RANBP2: variants seen among roughly 807,000 people sequenced by gnomAD.
The protein encoded by RANBP2 is E3 SUMO-protein ligase RanBP2.
RANBP2 carries 57 observed loss-of-function variants against 303.6 expected under a neutral mutation model. The observed-to-expected ratio is 0.19, with a 90% CI of 0.15 to 0.23. The LOEUF is 0.23. RANBP2 is among the 10% of genes least tolerant of loss of function. RANBP2 has a pLI of 1.00. For synonymous variants in RANBP2, 1,167 were observed against 1,301.5 expected (o/e 0.90, Z 2.23); for missense variants, 3,138 against 3,780.8 (o/e 0.83, Z 4.46).
At chr2:109,453,215 C>G in the RANBP2 span, among the ~76,000 whole-genome samples, 1 of 152,182 alleles carries the variant, frequency 6.6e-6, no homozygotes, top group African/African-American at 2.4e-5. Context: ...AGGAACCTCT[C>G]CAGCCTACTC....
the RANBP2 span, among the ~76,000 whole-genome samples, chr2:109,576,269 A>AATAT: frequency 2.5e-4 from 38 of 150,844 alleles, no homozygotes; most frequent in Non-Finnish European, 4.3e-4. Context: ...AAATGAATTA[A>AATAT]ATATATATAT....
the RANBP2 span, among the ~76,000 whole-genome samples, chr2:108,975,771 G>A: frequency 2.6e-5 from 4 of 152,246 alleles, no homozygotes; most frequent in South Asian, 6.2e-4. Context: ...TGGCACTGTC[G>A]GCCAGGCTCC....
Position 108,754,911 on chromosome 2 carries a change from G to T in RANBP2, c.2209G>T (p.Val737Leu). The T allele has an allele frequency of 1.2e-6, 2 of 1,611,694 alleles. No homozygotes were observed. The highest frequency in any genetic ancestry group is 1.7e-6 in the Non-Finnish European group (2 of 1,179,782). Residue 737 changes from valine to leucine, a missense_variant, in exon 16 of 29, where the codon GTG (valine) becomes TTG (leucine). Around this residue, in one of 20 missense-constraint regions of RANBP2, gnomAD observed 194 missense variants for 197.4 expected, o/e 0.98. Transcript: ENST00000283195. Reference protein sequence around the residue: ...SNLSVVKKLPVPLESVKEMLN... With the variant: ...SNLSVVKKLPLPLESVKEMLN... ...TAATGTCTTTTATTTTTAGTTGCCT[G>T]TGCCCCTGGAGTCTGTAAAAGAGAT...
chr2:109,063,972 A>G, the RANBP2 span, among the ~76,000 whole-genome samples: 1 of 152,180 alleles, frequency 6.6e-6, no homozygotes, highest in African/African-American at 2.4e-5. Flanking sequence ...TGGCTGCCAC[A>G]GGTCCAGCCA....
At chr2:108,770,636 A>C (rs1051322542) in intron 20 of RANBP2, among the ~76,000 whole-genome samples, 5 of 152,226 alleles carry the variant, frequency 3.3e-5, no homozygotes, top group East Asian at 1.9e-4. Flanking sequence ...AAATAAATAA[A>C]TAAATAAATT....
the RANBP2 span, among the ~76,000 whole-genome samples, chr2:109,194,939 AAGT>A: frequency 1.3e-3 from 199 of 152,328 alleles, 2 homozygotes; most frequent in African/African-American, 4.7e-3. Flanking sequence ...GGAAGGGAGA[AAGT>A]AGAGGAGCTG....
chr2:108,942,104 G>A, the RANBP2 span, among the ~76,000 whole-genome samples: 1 of 152,230 alleles, frequency 6.6e-6, no homozygotes, highest in Non-Finnish European at 1.5e-5. Flanking sequence ...TGTGCTGGGG[G>A]CAGAGGCCCC....
chr2:109,166,357 G>A, the RANBP2 span, among the ~76,000 whole-genome samples: 8 of 151,214 alleles, frequency 5.3e-5, no homozygotes, highest in Non-Finnish European at 1.0e-4. Context: ...TGTGCCTGTA[G>A]TCCCAGCTAC....
the RANBP2 span, chr2:109,504,690 A>G: frequency 0.072 from 11,010 of 152,382 alleles, 584 homozygotes; most frequent in African/African-American, 0.15. Flanking sequence ...AGAGGGACCC[A>G]GGTAGGAGCA....
chr2:109,030,922 G>C, the RANBP2 span, among the ~76,000 whole-genome samples: 43 of 152,100 alleles, frequency 2.8e-4, no homozygotes, highest in African/African-American at 1.0e-3. Context: ...TTATTTTCTT[G>C]GTAAAATGGT....
the RANBP2 span, among the ~76,000 whole-genome samples, chr2:109,659,331 C>T: frequency 5.3e-5 from 8 of 152,074 alleles, no homozygotes; most frequent in South Asian, 4.1e-4. Flanking sequence ...GCCAAGATCA[C>T]GCCATTGCAC....
At chr2:108,928,765 C>A in the RANBP2 span, among the ~76,000 whole-genome samples, 4 of 152,186 alleles carry the variant, frequency 2.6e-5, no homozygotes, top group East Asian at 5.8e-4. Flanking sequence ...GATGCATAAT[C>A]ATTTTGGAGG....
the RANBP2 span, among the ~76,000 whole-genome samples, chr2:109,419,824 C>T: frequency 1.3e-5 from 2 of 152,350 alleles, no homozygotes; most frequent in East Asian, 3.9e-4. Context: ...CTAGCGGTTC[C>T]TTCTGATGTC....
the RANBP2 span, among the ~76,000 whole-genome samples, chr2:108,952,249 T>C: frequency 6.6e-6 from 1 of 152,120 alleles, no homozygotes; most frequent in African/African-American, 2.4e-5. Flanking sequence ...AGCTTGTTGA[T>C]TGATTTGGTT....
the RANBP2 span, among the ~76,000 whole-genome samples, chr2:109,279,689 G>A: frequency 9.7e-4 from 147 of 152,330 alleles, no homozygotes; most frequent in African/African-American, 3.2e-3. Context: ...GGAATTTCCT[G>A]CTTTTGCAGC....
chr2:109,489,292 C>T, the RANBP2 span, among the ~76,000 whole-genome samples: 7 of 152,236 alleles, frequency 4.6e-5, no homozygotes, highest in East Asian at 5.8e-4. Context: ...GGAGACCCTT[C>T]ACCGGGCACT....
At chr2:109,750,613 G>A in the RANBP2 span, among the ~76,000 whole-genome samples, 181 of 53,344 alleles carry the variant, frequency 3.4e-3, 1 homozygote, top group African/African-American at 8.5e-3. Context: ...TCCACATGAG[G>A]CTATTGTAAA....
intron 4 of RANBP2, among the ~76,000 whole-genome samples, chr2:108,732,640 G>A (rs1695257045): frequency 6.6e-6 from 1 of 151,858 alleles, no homozygotes; most frequent in Non-Finnish European, 1.5e-5. Context: ...CACCACTGCA[G>A]TCAAGATACA....
At chr2:108,993,683 C>T in the RANBP2 span, among the ~76,000 whole-genome samples, 2 of 152,240 alleles carry the variant, frequency 1.3e-5, no homozygotes, top group Admixed American at 6.5e-5. Flanking sequence ...CTGGGCTTTG[C>T]GTTGATTGTA....
Sources: gnomAD v4.1 joint callset for allele counts (sites outside exome capture counted in the v4.1 genomes callset) on GRCh38, gnomAD v4.1.1 for gene constraint, gnomAD v4.1.1 regional missense constraint, MANE v1.5 for transcripts, NCBI Gene and HGNC (gene_info 2026-07-23, HGNC 2026-07-21) for gene names.